The following DCLK1 variants were observed in gnomAD, a reference collection of about 807,000 sequenced individuals.
The protein encoded by DCLK1 is serine/threonine-protein kinase DCLK1.
A neutral mutation model predicts 86.2 loss-of-function variants in DCLK1; 16 were observed. The observed-to-expected ratio is 0.19, with a 90% confidence interval of 0.13 to 0.28. The LOEUF (loss-of-function observed/expected upper bound fraction) is 0.28, where lower values mean the gene tolerates loss of function less well. Ranked by LOEUF, DCLK1 falls within the 10% of genes least tolerant of loss-of-function variation. The pLI is 1.00. For missense variants in DCLK1, 590 were observed against 940.2 expected (o/e 0.63, Z 4.87); for synonymous variants, 369 against 370.5 (o/e 1.00, Z 0.05).
intron 4 of DCLK1, among the ~76,000 whole-genome samples, chr13:35,880,100 C>G (rs968568971): frequency 2.0e-5 from 3 of 152,212 alleles, no homozygotes; most frequent in African/African-American, 7.2e-5. Flanking sequence ...CATTCGTATA[C>G]TCTTTCTGCA....
chr13:35,819,934 A>G (rs1358657126), intron 11 of DCLK1, among the ~76,000 whole-genome samples: 1 of 152,232 alleles, frequency 6.6e-6, no homozygotes, highest in Non-Finnish European at 1.5e-5. Flanking sequence ...AAATCCCCTT[A>G]AAGATAAAGG....
intron 3 of DCLK1, among the ~76,000 whole-genome samples, chr13:36,104,466 G>A (rs1774302682): frequency 6.6e-6 from 1 of 152,216 alleles, no homozygotes; most frequent in Non-Finnish European, 1.5e-5. Context: ...CTCCAAGAGA[G>A]TGAGTTGTCA....
intron 3 of DCLK1, among the ~76,000 whole-genome samples, chr13:36,018,988 G>C (rs577022869): frequency 6.6e-6 from 1 of 152,062 alleles, no homozygotes; most frequent in Non-Finnish European, 1.5e-5. Flanking sequence ...AGACCCAATT[G>C]CTTGTTTCAG....
chr13:36,037,500 T>C (rs1593837678), intron 3 of DCLK1, among the ~76,000 whole-genome samples: 1 of 152,128 alleles, frequency 6.6e-6, no homozygotes, highest in East Asian at 1.9e-4. Context: ...TTGTTTTGTT[T>C]TGAGATGGAG....
intron 11 of DCLK1, among the ~76,000 whole-genome samples, chr13:35,811,910 ATACTT>A (rs1181597898): frequency 2.6e-5 from 4 of 152,170 alleles, no homozygotes; most frequent in Admixed American, 6.6e-5. Context: ...TTATAGTAAA[ATACTT>A]TATTTTCAGT....
chr13:35,795,880 G>A (rs575375284), intron 15 of DCLK1, among the ~76,000 whole-genome samples: 6 of 142,882 alleles, frequency 4.2e-5, no homozygotes, highest in African/African-American at 1.4e-4. Context: ...AGCTGAGACT[G>A]CGCCATTGCA....
At chr13:35,825,341 T>C (rs1022364743) in intron 10 of DCLK1, among the ~76,000 whole-genome samples, 1 of 152,148 alleles carries the variant, frequency 6.6e-6, no homozygotes, top group African/African-American at 2.4e-5. Context: ...TCGAAGGGTA[T>C]GGTCTTGCAG....
intron 2 of DCLK1, 120 bp from the exon 3 acceptor site, chr13:36,112,335 A>G (rs1885647229): frequency 3.0e-6 from 2 of 667,086 alleles, no homozygotes; most frequent in Non-Finnish European, 4.7e-6. Flanking sequence ...CTTTTCAAAC[A>G]ATGGAAGTGT....
chr13:35,913,537 A>G (rs375023162), intron 4 of DCLK1, among the ~76,000 whole-genome samples: 4 of 152,122 alleles, frequency 2.6e-5, no homozygotes, highest in Non-Finnish European at 4.4e-5. Context: ...TTCTCAAATA[A>G]ATTATTTTTA....
intron 4 of DCLK1, among the ~76,000 whole-genome samples, chr13:35,899,883 C>A (rs1277889854): frequency 6.6e-6 from 1 of 152,126 alleles, no homozygotes; most frequent in Non-Finnish European, 1.5e-5. Context: ...ATAATACACG[C>A]TGTTTCTAAA....
At chr13:35,782,037 C>T (rs1375537122) in intron 16 of DCLK1, among the ~76,000 whole-genome samples, 2 of 152,124 alleles carry the variant, frequency 1.3e-5, no homozygotes, top group Non-Finnish European at 2.9e-5. Flanking sequence ...TTAAAGATGA[C>T]CATCAAAATG....
intron 3 of DCLK1, among the ~76,000 whole-genome samples, chr13:35,979,379 C>T (rs555121623): frequency 1.6e-4 from 25 of 152,106 alleles, no homozygotes; most frequent in Non-Finnish European, 3.5e-4. Flanking sequence ...CTGAGACAGC[C>T]AGAAAGAGGA....
At chr13:35,877,444 T>A (rs1872652285) in intron 4 of DCLK1, among the ~76,000 whole-genome samples, 1 of 152,212 alleles carries the variant, frequency 6.6e-6, no homozygotes, top group African/African-American at 2.4e-5. Flanking sequence ...GATCATGCAT[T>A]CAAAGGGGCC....
At chr13:35,936,195 AG>A (rs1876740633) in intron 4 of DCLK1, among the ~76,000 whole-genome samples, 1 of 152,214 alleles carries the variant, frequency 6.6e-6, no homozygotes, top group African/African-American at 2.4e-5. Flanking sequence ...CAAGAAGTCA[AG>A]AAGGATAAAG....
intron 3 of DCLK1, among the ~76,000 whole-genome samples, chr13:35,953,769 G>A (rs1422885674): frequency 6.6e-6 from 1 of 152,162 alleles, no homozygotes; most frequent in Admixed American, 6.5e-5. Flanking sequence ...AGATCTCCAT[G>A]GTGACGCTGA....
chr13:35,863,921 A>C (rs901042799), intron 5 of DCLK1, among the ~76,000 whole-genome samples: 1 of 152,250 alleles, frequency 6.6e-6, no homozygotes, highest in Non-Finnish European at 1.5e-5. Context: ...AAAAGACTTC[A>C]GGATTTCTGG....
chr13:36,122,297 T>C (rs1461696653), intron 2 of DCLK1, among the ~76,000 whole-genome samples: 1 of 152,044 alleles, frequency 6.6e-6, no homozygotes, highest in Non-Finnish European at 1.5e-5. Context: ...CCATACAGGG[T>C]TAGTGAAAAG....
At chr13:35,946,028 T>G (rs1036974890) in intron 4 of DCLK1, among the ~76,000 whole-genome samples, 31 of 152,316 alleles carry the variant, frequency 2.0e-4, no homozygotes, top group African/African-American at 3.6e-4. Flanking sequence ...GTCATTTTTT[T>G]GGGGGACAGG....
chr13:35,946,975 A>T (rs1877419187), intron 4 of DCLK1, among the ~76,000 whole-genome samples: 1 of 152,196 alleles, frequency 6.6e-6, no homozygotes, highest in Admixed American at 6.5e-5. Context: ...AATTAAAGGA[A>T]GCCACCTGAA....
Sources: allele counts gnomAD v4.1 joint callset (sites outside exome capture counted in the v4.1 genomes callset), GRCh38; gene constraint gnomAD v4.1.1; transcripts MANE v1.5; gene names NCBI Gene and HGNC (gene_info 2026-07-23, HGNC 2026-07-21).